Variants in ZNF704 observed in about 807,000 individuals in gnomAD.
ZNF704 encodes glucocorticoid induced gene 1.
In ZNF704, 10 loss-of-function variants were observed where a neutral mutation model predicts 44.7. The observed-to-expected ratio is 0.22, with a 90% CI of 0.14 to 0.38. The LOEUF (loss-of-function observed/expected upper bound fraction) is 0.38. ZNF704 is among the 10% of genes least tolerant of loss of function. The pLI is 1.00. For synonymous variants in ZNF704, 211 were observed against 207.6 expected (o/e 1.02, Z -0.14); for missense variants, 390 against 545.5 (o/e 0.71, Z 2.84).
intron 1 of ZNF704, among the ~76,000 whole-genome samples, chr8:80,860,755 G>A (rs1392417436): frequency 6.6e-6 from 1 of 152,000 alleles, no homozygotes; most frequent in African/African-American, 2.4e-5. Context: ...GAATTCTTGG[G>A]GCAACTCCAA....
chr8:80,660,493 A>C (rs1391960542), intron 6 of ZNF704, among the ~76,000 whole-genome samples: 1 of 151,714 alleles, frequency 6.6e-6, no homozygotes, highest in Non-Finnish European at 1.5e-5. Flanking sequence ...AAAAACCTGG[A>C]AATAACACAA....
At position 80,633,743 on chromosome 8, in the gene ZNF704, C is replaced by T. The variant is rs748978659; in HGVS notation, c.*7623G>A. 3.9e-5 allele frequency: 6 copies of T among 152,114 alleles called. No individual in the cohort carries two copies. In the East Asian group the frequency reaches 7.7e-4, roughly 20 times the overall value. The allele number at this position is 152,114 out of a possible 1,614,324, so 9.4% of individuals were successfully genotyped here. On this transcript the variant is annotated 3_prime_UTR_variant, in exon 9 of 9. Transcript: ENST00000327835. ...CAAATGAAATAGTGTGTGAACGAGA[C>T]GTATCTTATTACATACGTGAAAGGG...
At chr8:80,795,327 T>G (rs1324321391) in intron 2 of ZNF704, among the ~76,000 whole-genome samples, 1 of 152,174 alleles carries the variant, frequency 6.6e-6, no homozygotes, top group Non-Finnish European at 1.5e-5. Context: ...ATATTAAATG[T>G]GAAACATAAA....
At chr8:80,871,696 T>C (rs1209317891) in intron 1 of ZNF704, among the ~76,000 whole-genome samples, 1 of 152,268 alleles carries the variant, frequency 6.6e-6, no homozygotes, top group Non-Finnish European at 1.5e-5. Flanking sequence ...GTTGAATAAA[T>C]GAATGCATGA....
chr8:80,859,765 T>G (rs900543819), intron 1 of ZNF704, among the ~76,000 whole-genome samples: 12 of 152,196 alleles, frequency 7.9e-5, no homozygotes, highest in African/African-American at 2.9e-4. Context: ...TGACTTTGAC[T>G]GTGCCTCCTT....
intron 2 of ZNF704, among the ~76,000 whole-genome samples, chr8:80,783,551 G>C (rs1807564392): frequency 6.6e-6 from 1 of 152,276 alleles, no homozygotes; most frequent in South Asian, 2.1e-4. Flanking sequence ...GGGGGAAGGG[G>C]ACATCATAGA....
intron 1 of ZNF704, among the ~76,000 whole-genome samples, chr8:80,830,319 C>A (rs1808449494): frequency 6.6e-6 from 1 of 152,156 alleles, no homozygotes; most frequent in African/African-American, 2.4e-5. Flanking sequence ...CAAGGCTCAT[C>A]CAGTTATTGC....
chr8:80,883,385 C>CAAATG, the ZNF704 span, among the ~76,000 whole-genome samples: 1 of 151,772 alleles, frequency 6.6e-6, no homozygotes, highest in African/African-American at 2.4e-5. Flanking sequence ...TGTGAGCATA[C>CAAATG]AAATGGCTCA....
At chr8:80,830,078 CA>C (rs34988192) in intron 1 of ZNF704, among the ~76,000 whole-genome samples, 3 of 149,838 alleles carry the variant, frequency 2.0e-5, no homozygotes, top group African/African-American at 7.4e-5. Context: ...TTAAGACACA[CA>C]AAAAAAACAA....
At chr8:80,735,492 C>A (rs1409641165) in intron 2 of ZNF704, among the ~76,000 whole-genome samples, 3 of 152,226 alleles carry the variant, frequency 2.0e-5, no homozygotes, top group African/African-American at 7.2e-5. Flanking sequence ...AAAGTTCCCA[C>A]ACAAAATCCA....
At chr8:80,766,383 A>G (rs1319729444) in intron 2 of ZNF704, among the ~76,000 whole-genome samples, 1 of 152,168 alleles carries the variant, frequency 6.6e-6, no homozygotes, top group Admixed American at 6.5e-5. Context: ...ACACCCAGAA[A>G]GGGGCAATCT....
chr8:80,692,923 G>A, intron 3 of ZNF704, 81 bp downstream of exon 3: 1 of 1,279,322 alleles, frequency 7.8e-7, no homozygotes, highest in Non-Finnish European at 1.1e-6. Context: ...CATAGCGCTT[G>A]ACAGGAATGA....
At chr8:80,786,584 G>A (rs1586026764) in intron 2 of ZNF704, among the ~76,000 whole-genome samples, 1 of 152,188 alleles carries the variant, frequency 6.6e-6, no homozygotes, top group Non-Finnish European at 1.5e-5. Context: ...AACCATCCAC[G>A]TAACTTACAT....
Position 80,631,379 on chromosome 8 carries a change from A to G in ZNF704, c.*9987T>C, listed in dbSNP as rs1199290485. On this transcript the variant is annotated 3_prime_UTR_variant, in exon 9 of 9. Coordinates refer to ENST00000327835, the MANE Select transcript of ZNF704 (RefSeq NM_001033723.3). ...GACAAGTGCTTAACAACATGAGTGG[A>G]CTGAAGTCCTTTTCTCTTTCCATAA... 6.6e-6 allele frequency: 1 copy of G among 152,226 alleles called. No individual in the cohort carries two copies. The highest frequency in any genetic ancestry group is 2.4e-5 in the African/African-American group (1 of 41,458). The allele number at this position is 152,226 out of a possible 1,614,324, so 9.4% of individuals were successfully genotyped here.
At chr8:80,775,293 T>C (rs1394208232) in intron 2 of ZNF704, among the ~76,000 whole-genome samples, 1 of 152,222 alleles carries the variant, frequency 6.6e-6, no homozygotes. Context: ...TTATGGGTTT[T>C]GTGAATTTTG....
chr8:80,680,491 T>C (rs1818436492), intron 4 of ZNF704, among the ~76,000 whole-genome samples: 1 of 151,984 alleles, frequency 6.6e-6, no homozygotes. Flanking sequence ...GGCCAAGTTA[T>C]TCTGTGCAGG....
At chr8:80,666,114 C>A (rs181000356) in intron 5 of ZNF704, among the ~76,000 whole-genome samples, 8 of 130,488 alleles carry the variant, frequency 6.1e-5, no homozygotes, top group African/African-American at 2.3e-4. Context: ...TCCCTTCCCC[C>A]GCCCCCCACC....
intron 5 of ZNF704, among the ~76,000 whole-genome samples, chr8:80,665,772 A>G (rs919543169): frequency 1.3e-5 from 2 of 152,074 alleles, no homozygotes; most frequent in African/African-American, 4.8e-5. Flanking sequence ...ATTCAACAGC[A>G]TAACAGTGTT....
intron 1 of ZNF704, among the ~76,000 whole-genome samples, chr8:80,838,603 GGAAGAGA>G: frequency 1.5e-4 from 22 of 150,940 alleles, no homozygotes; most frequent in African/African-American, 2.4e-4. Context: ...GGGAAGAGGA[GGAAGAGA>G]GCAGACCCTG....
Sources: gnomAD v4.1 joint callset for allele counts (sites outside exome capture counted in the v4.1 genomes callset) on GRCh38, gnomAD v4.1.1 for gene constraint, MANE v1.5 for transcripts, NCBI Gene and HGNC (gene_info 2026-07-23, HGNC 2026-07-21) for gene names.